The following ATRNL1 variants were observed in gnomAD, a reference collection of about 807,000 sequenced individuals.
ATRNL1 encodes the protein attractin like 1.
In ATRNL1, 95 loss-of-function variants were observed where a neutral mutation model predicts 182.7. That is an observed-to-expected ratio of 0.52 (90% CI 0.44 to 0.62). The LOEUF is 0.62. ATRNL1 is among the 20% of genes least tolerant of loss of function. ATRNL1 has a pLI of 0.00. For synonymous variants in ATRNL1, 576 were observed against 568.3 expected, an observed-to-expected ratio of 1.01 and a Z score of -0.19; for missense variants, 1,471 against 1,679.5, an observed-to-expected ratio of 0.88 and a Z score of 2.17.
At chr10:115,600,220 T>G (rs199810920) in intron 26 of ATRNL1, among the ~76,000 whole-genome samples, 1 of 76,968 alleles carries the variant, frequency 1.3e-5, no homozygotes, top group Non-Finnish European at 2.7e-5. Context: ...TGAATGTTTG[T>G]TTAGAAGCTT....
intron 24 of ATRNL1, among the ~76,000 whole-genome samples, chr10:115,497,066 T>C (rs1311730849): frequency 1.3e-5 from 2 of 152,172 alleles, no homozygotes; most frequent in Admixed American, 1.3e-4. Flanking sequence ...TTTTTAATTC[T>C]TTAAAAAACA....
At chr10:115,717,647 G>A (rs1593116388) in intron 26 of ATRNL1, among the ~76,000 whole-genome samples, 1 of 145,306 alleles carries the variant, frequency 6.9e-6, no homozygotes, top group Admixed American at 7.6e-5. Flanking sequence ...CACATCCCGG[G>A]TTAAAGCGAT....
chr10:115,561,106 T>A (rs1450330881), intron 26 of ATRNL1, among the ~76,000 whole-genome samples: 1 of 151,936 alleles, frequency 6.6e-6, no homozygotes, highest in Non-Finnish European at 1.5e-5. Flanking sequence ...TTCTTAGACA[T>A]GACATCAAAA....
chr10:115,549,573 TTAAGCAAATA>T (rs1565156412), intron 26 of ATRNL1, 37 bp downstream of exon 26: 1 of 1,438,342 alleles, frequency 7.0e-7, no homozygotes, highest in South Asian at 1.3e-5. Flanking sequence ...GTTTAAAGAT[TTAAGCAAATA>T]TATGGATCTC....
chr10:115,627,107 A>T (rs1392906535), intron 26 of ATRNL1, among the ~76,000 whole-genome samples: 2 of 152,132 alleles, frequency 1.3e-5, no homozygotes, highest in South Asian at 2.1e-4. Flanking sequence ...GTATTCACAA[A>T]GATGGGCACC....
intron 18 of ATRNL1, among the ~76,000 whole-genome samples, chr10:115,317,357 A>T (rs1554930007): frequency 6.6e-6 from 1 of 152,114 alleles, no homozygotes; most frequent in African/African-American, 2.4e-5. Flanking sequence ...TTTGCTTAGG[A>T]TCGTCTTGGC....
At chr10:115,732,540 T>G (rs1292180058) in intron 27 of ATRNL1, among the ~76,000 whole-genome samples, 1 of 152,210 alleles carries the variant, frequency 6.6e-6, no homozygotes, top group African/African-American at 2.4e-5. Flanking sequence ...TTACATACAC[T>G]ATCTCAATCT....
At chr10:115,451,934 A>C (rs1317194901) in intron 21 of ATRNL1, among the ~76,000 whole-genome samples, 1 of 152,210 alleles carries the variant, frequency 6.6e-6, no homozygotes. Flanking sequence ...GTAGCCATAA[A>C]AAATGAGATC....
In ATRNL1 at chr10:115,614,302, T is replaced by C. The variant is rs574024311; in HGVS notation, c.3795+64766T>C. Among the ~76,000 whole-genome samples the C allele has an allele frequency of 7.9e-5, 12 of 152,296 alleles. 1 individual carries two copies. In the South Asian group the frequency reaches 2.5e-3, roughly 32 times the overall value. ...CATCAGTCTTTCTGGAGCATGTTGC[T>C]TAATTTCAATGTATTTGTACAATTT... On this transcript the variant is annotated intron_variant, in intron 26 of 28. Transcript: ENST00000355044.
At chr10:115,323,402 TCCCTCCCCTCCCCTCCCCTCCCCTC>T (rs71010015) in intron 18 of ATRNL1, among the ~76,000 whole-genome samples, 2 of 58,598 alleles carry the variant, frequency 3.4e-5, no homozygotes, top group South Asian at 1.0e-3. Context: ...GCATGATTTC[TCCCTCCCCTCCCCTCCCCTCCCCTC>T]CCCTCCCCTC....
chr10:115,365,464 A>G (rs1281437513), intron 19 of ATRNL1, among the ~76,000 whole-genome samples: 1 of 152,064 alleles, frequency 6.6e-6, no homozygotes, highest in African/African-American at 2.4e-5. Flanking sequence ...ATCCTTTCAA[A>G]AAACCAGCTC....
At chr10:115,812,527 A>G (rs150485943) in intron 27 of ATRNL1, among the ~76,000 whole-genome samples, 1,679 of 152,270 alleles carry the variant, frequency 0.011, 39 homozygotes, top group African/African-American at 0.039. Context: ...CCCAAGCTGG[A>G]GTGCAATGGC....
chr10:115,766,978 C>T (rs981173819), intron 27 of ATRNL1, among the ~76,000 whole-genome samples: 2 of 152,170 alleles, frequency 1.3e-5, no homozygotes, highest in African/African-American at 4.8e-5. Flanking sequence ...CATTTGCTCT[C>T]TCTACATCAC....
At chr10:115,171,480 T>A in intron 8 of ATRNL1, 188 bp downstream of exon 8, 1 of 450,686 alleles carries the variant, frequency 2.2e-6, no homozygotes, top group Non-Finnish European at 3.7e-6. Flanking sequence ...TAAGCTTACC[T>A]TTTTAACCAA....
At chr10:115,333,044 T>C (rs1034602473) in intron 18 of ATRNL1, among the ~76,000 whole-genome samples, 2 of 152,212 alleles carry the variant, frequency 1.3e-5, no homozygotes, top group African/African-American at 4.8e-5. Flanking sequence ...TGTTTAAAAA[T>C]TGATGCTTAT....
intron 28 of ATRNL1, among the ~76,000 whole-genome samples, chr10:115,897,351 T>G (rs1555112738): frequency 6.6e-6 from 1 of 152,174 alleles, no homozygotes; most frequent in African/African-American, 2.4e-5. Flanking sequence ...GGGGCAATTT[T>G]TAATCAAAAT....
At chr10:115,559,450 G>GCGCGCGCGCGCGTGCGCA (rs1554998460) in intron 26 of ATRNL1, among the ~76,000 whole-genome samples, 1 of 128,562 alleles carries the variant, frequency 7.8e-6, no homozygotes, top group African/African-American at 3.3e-5. Flanking sequence ...GTGTGCGCGC[G>GCGCGCGCGCGCGTGCGCA]CGCACGCACG....
At chr10:115,776,627 G>C (rs550654295) in intron 27 of ATRNL1, among the ~76,000 whole-genome samples, 1 of 142,026 alleles carries the variant, frequency 7.0e-6, no homozygotes, top group Non-Finnish European at 1.5e-5. Context: ...CTAGAGGCTC[G>C]TACATCTTAA....
chr10:115,655,752 T>C (rs1476478213), intron 26 of ATRNL1, among the ~76,000 whole-genome samples: 1 of 152,178 alleles, frequency 6.6e-6, no homozygotes, highest in Non-Finnish European at 1.5e-5. Flanking sequence ...GAAAGTTCTG[T>C]TTATTTATCC....
Sources: gnomAD v4.1 joint callset for allele counts (sites outside exome capture counted in the v4.1 genomes callset) on GRCh38, gnomAD v4.1.1 for gene constraint, MANE v1.5 for transcripts, NCBI Gene and HGNC (gene_info 2026-07-23, HGNC 2026-07-21) for gene names.